Variants in CNTN5 observed in about 807,000 individuals in gnomAD.
CNTN5 encodes contactin 5, also known as contactin-5.
CNTN5 carries 77 observed loss-of-function variants against 129.1 expected under a neutral mutation model. The observed-to-expected ratio is 0.60, with a 90% CI of 0.50 to 0.72. The LOEUF (loss-of-function observed/expected upper bound fraction) is 0.72, where lower values mean the gene tolerates loss of function less well. CNTN5 is among the 30% of genes least tolerant of loss of function. CNTN5 has a pLI of 0.00. For synonymous variants in CNTN5, 509 were observed against 465.6 expected (o/e 1.09, Z -1.20); for missense variants, 1,478 against 1,328.8 (o/e 1.11, Z -1.75).
At chr11:99,225,443 C>A (rs546375745) in intron 1 of CNTN5, among the ~76,000 whole-genome samples, 1 of 152,052 alleles carries the variant, frequency 6.6e-6, no homozygotes, top group South Asian at 2.1e-4. Context: ...TAATTTTTCA[C>A]GCAGCAGAAC....
intron 2 of CNTN5, among the ~76,000 whole-genome samples, chr11:99,536,701 G>A (rs371225104): frequency 1.2e-4 from 18 of 151,804 alleles, no homozygotes; most frequent in African/African-American, 1.9e-4. Flanking sequence ...ACATGACATC[G>A]TTAATACCCA....
chr11:99,677,912 G>A (rs746361455), intron 3 of CNTN5, among the ~76,000 whole-genome samples: 12 of 151,910 alleles, frequency 7.9e-5, no homozygotes, highest in South Asian at 4.2e-4. Context: ...TTTCATTACC[G>A]CTTTTGCCCT....
chr11:99,796,456 G>A (rs1945944073), intron 3 of CNTN5, among the ~76,000 whole-genome samples: 1 of 152,048 alleles, frequency 6.6e-6, no homozygotes, highest in Non-Finnish European at 1.5e-5. Flanking sequence ...GATATGGTGG[G>A]GGGTAAGTGC....
intron 1 of CNTN5, among the ~76,000 whole-genome samples, chr11:99,203,086 C>G (rs1260557401): frequency 6.6e-6 from 1 of 151,964 alleles, no homozygotes; most frequent in Non-Finnish European, 1.5e-5. Flanking sequence ...ATCCTAATGT[C>G]TGTTTAATCT....
intron 1 of CNTN5, among the ~76,000 whole-genome samples, chr11:99,041,843 G>A (rs1054244658): frequency 3.9e-5 from 6 of 152,134 alleles, no homozygotes; most frequent in African/African-American, 1.4e-4. Flanking sequence ...TGACTGATAA[G>A]CCCTAATCTG....
intron 23 of CNTN5, among the ~76,000 whole-genome samples, chr11:100,348,049 G>GT (rs201172296): frequency 0.047 from 6,920 of 148,568 alleles, 170 homozygotes; most frequent in African/African-American, 0.064. Context: ...ACTGCTCTCA[G>GT]TTTTTTTTTT....
At chr11:100,267,280 C>CACACACACACACAG (rs371454644) in intron 17 of CNTN5, among the ~76,000 whole-genome samples, 9,334 of 148,244 alleles carry the variant, frequency 0.063, 514 homozygotes, top group East Asian at 0.3. Context: ...CACACACACA[C>CACACACACACACAG]AGAGAGAGAG....
intron 1 of CNTN5, among the ~76,000 whole-genome samples, chr11:99,056,163 A>G (rs1864616288): frequency 6.6e-6 from 1 of 151,902 alleles, no homozygotes; most frequent in African/African-American, 2.4e-5. Flanking sequence ...ATTTCAAACT[A>G]TAAACTTATT....
chr11:99,193,888 CACAA>C (rs1858769945), intron 1 of CNTN5, among the ~76,000 whole-genome samples: 1 of 152,038 alleles, frequency 6.6e-6, no homozygotes, highest in African/African-American at 2.4e-5. Context: ...AGTCAGAAGA[CACAA>C]ACAAAAGCAT....
intron 2 of CNTN5, 50 bp from the exon 3 acceptor site, chr11:99,556,095 C>T: frequency 2.0e-6 from 1 of 492,232 alleles, no homozygotes; most frequent in Non-Finnish European, 3.6e-6. Flanking sequence ...GTTGGCTTTT[C>T]TGTTTGTTTA....
chr11:99,843,412 G>A (rs1256632517), intron 4 of CNTN5, among the ~76,000 whole-genome samples: 1 of 151,984 alleles, frequency 6.6e-6, no homozygotes, highest in Non-Finnish European at 1.5e-5. Flanking sequence ...CTCCAAATTT[G>A]TTCTTCTAAA....
At chr11:99,641,229 G>C (rs925260797) in intron 3 of CNTN5, among the ~76,000 whole-genome samples, 1 of 152,146 alleles carries the variant, frequency 6.6e-6, no homozygotes, top group Non-Finnish European at 1.5e-5. Flanking sequence ...TTCTTAAAAG[G>C]AGATGCAGAC....
intron 3 of CNTN5, among the ~76,000 whole-genome samples, chr11:99,680,357 A>G (rs1254972919): frequency 1.3e-5 from 2 of 152,134 alleles, no homozygotes; most frequent in Admixed American, 6.6e-5. Context: ...AATGCACCTG[A>G]TGATTGTAAA....
At chr11:99,915,887 TA>T (rs1430467125) in intron 6 of CNTN5, among the ~76,000 whole-genome samples, 166 bp from the exon 7 acceptor site, 1 of 152,152 alleles carries the variant, frequency 6.6e-6, no homozygotes, top group Non-Finnish European at 1.5e-5. Flanking sequence ...TCCATTGTGG[TA>T]TTTAAAATTA....
intron 3 of CNTN5, among the ~76,000 whole-genome samples, chr11:99,784,110 C>A (rs1484198344): frequency 2.0e-5 from 3 of 152,088 alleles, no homozygotes; most frequent in African/African-American, 7.2e-5. Context: ...TGAACAAAAT[C>A]CCTGAAAGTC....
At chr11:99,215,113 T>G (rs1291910855) in intron 1 of CNTN5, among the ~76,000 whole-genome samples, 1 of 152,150 alleles carries the variant, frequency 6.6e-6, no homozygotes, top group Non-Finnish European at 1.5e-5. Context: ...CAGTGATCAT[T>G]GTCCCATCAA....
chr11:99,086,420 C>A (rs1210746062), intron 1 of CNTN5, among the ~76,000 whole-genome samples: 1 of 152,178 alleles, frequency 6.6e-6, no homozygotes, highest in Non-Finnish European at 1.5e-5. Flanking sequence ...CAGCATCCAC[C>A]TCTGGTGAGG....
intron 1 of CNTN5, among the ~76,000 whole-genome samples, chr11:99,268,897 GA>G (rs1863032822): frequency 6.6e-6 from 1 of 151,974 alleles, no homozygotes; most frequent in African/African-American, 2.4e-5. Flanking sequence ...GCCCTGCTGT[GA>G]AAGGATAGTA....
intron 1 of CNTN5, among the ~76,000 whole-genome samples, chr11:99,168,578 T>TCAAAACAAAACAAAAC (rs1555067244): frequency 6.9e-6 from 1 of 145,746 alleles, no homozygotes; most frequent in East Asian, 2.0e-4. Flanking sequence ...AGACTCCATC[T>TCAAAACAAAACAAAAC]CAAAACAAAA....
Sources: allele counts gnomAD v4.1 joint callset (sites outside exome capture counted in the v4.1 genomes callset), GRCh38; gene constraint gnomAD v4.1.1; transcripts MANE v1.5; gene names NCBI Gene and HGNC (gene_info 2026-07-23, HGNC 2026-07-21).